The following CRACR2A variants were observed in gnomAD, a reference collection of about 807,000 sequenced individuals.
CRACR2A encodes EF-hand calcium-binding domain-containing protein 4B.
A neutral mutation model predicts 90.5 loss-of-function variants in CRACR2A; 79 were observed. The observed-to-expected ratio is 0.87, with a 90% CI of 0.73 to 1.05. The LOEUF is 1.05. CRACR2A is among the 50% of genes least tolerant of loss of function. The pLI is 0.00. For missense variants in CRACR2A, 823 were observed against 897.2 expected (o/e 0.92, Z 1.06); for synonymous variants, 338 against 356.7 (o/e 0.95, Z 0.59).
At chr12:3,621,449 C>G (rs7131759) in intron 17 of CRACR2A, among the ~76,000 whole-genome samples, 1 of 144,722 alleles carries the variant, frequency 6.9e-6, no homozygotes, top group Non-Finnish European at 1.5e-5. Context: ...GTCAGGAGTT[C>G]AAGACCAGCC....
chr12:3,687,652 G>A (rs1945584345), intron 4 of CRACR2A, among the ~76,000 whole-genome samples: 1 of 151,984 alleles, frequency 6.6e-6, no homozygotes, highest in Non-Finnish European at 1.5e-5. Context: ...GTGCTACAAT[G>A]GACACATACA....
Position 3,615,432 on chromosome 12 carries a change from T to G in CRACR2A, c.2119A>C (p.Lys707Gln), listed in dbSNP as rs548678583. 13 of 1,550,104 alleles carry G rather than the reference T, an allele frequency of 8.4e-6. No homozygotes were observed. In the South Asian group the frequency reaches 1.6e-4, roughly 18 times the overall value. ...TCTCTCACTGTGTCTTCTTGCTCCT[T>G]GAGGAACCTGGGAGAGGGGAAGAGA... ...ESLLHLARFL[K>Q]EQEDTVREDT... Residue 707 changes from lysine (K) to glutamine (Q), a missense_variant, in exon 20 of 20, where the codon AAG becomes CAG. Lys to Gln is a moderately conservative substitution (Grantham distance 53). Coordinates refer to ENST00000440314, the MANE Select transcript of CRACR2A (RefSeq NM_001144958.2).
intron 2 of CRACR2A, among the ~76,000 whole-genome samples, chr12:3,716,015 G>C (rs947392306): frequency 6.6e-6 from 1 of 151,466 alleles, no homozygotes; most frequent in Non-Finnish European, 1.5e-5. Context: ...GAAGGAGCGG[G>C]AGCATCATCC....
chr12:3,664,522 C>T (rs1945092961), intron 7 of CRACR2A, among the ~76,000 whole-genome samples: 1 of 152,106 alleles, frequency 6.6e-6, no homozygotes, highest in South Asian at 2.1e-4. Context: ...AAGCTTAATA[C>T]ATGTTGTTCT....
At chr12:3,724,143 G>A (rs7296743) in intron 2 of CRACR2A, among the ~76,000 whole-genome samples, 461 of 152,176 alleles carry the variant, frequency 3.0e-3, no homozygotes, top group African/African-American at 9.9e-3. Context: ...CTTGTCAGGC[G>A]GCGTTTAATT....
At chr12:3,672,621 C>T (rs1945265781) in intron 7 of CRACR2A, 2 of 371,758 alleles carry the variant, frequency 5.4e-6, no homozygotes, top group South Asian at 1.1e-4. Flanking sequence ...GAGCTCATGG[C>T]TGTAAATGTT....
At chr12:3,699,404 C>T (rs1945797809) in intron 3 of CRACR2A, among the ~76,000 whole-genome samples, 1 of 152,160 alleles carries the variant, frequency 6.6e-6, no homozygotes, top group South Asian at 2.1e-4. Flanking sequence ...ATGGTCCCTG[C>T]CCTTAATGAA....
At chr12:3,726,174 A>G (rs1565503421) in intron 2 of CRACR2A, 2 of 151,834 alleles carry the variant, frequency 1.3e-5, no homozygotes, top group Non-Finnish European at 2.9e-5. Context: ...ATTAATATAT[A>G]TAAATACATA....
chr12:3,648,779 C>G (rs1322036553), intron 10 of CRACR2A, among the ~76,000 whole-genome samples, 166 bp from the exon 11 acceptor site: 2 of 152,204 alleles, frequency 1.3e-5, no homozygotes, highest in African/African-American at 4.8e-5. Flanking sequence ...CTTTGGGCAT[C>G]ACACATGGCC....
At chr12:3,723,436 G>A (rs1946212809) in intron 2 of CRACR2A, among the ~76,000 whole-genome samples, 2 of 152,150 alleles carry the variant, frequency 1.3e-5, no homozygotes, top group Admixed American at 1.3e-4. Context: ...TAAATAAGAG[G>A]AGGTCAGTGG....
At chr12:3,703,245 C>T (rs889002379) in intron 3 of CRACR2A, among the ~76,000 whole-genome samples, 3 of 152,170 alleles carry the variant, frequency 2.0e-5, no homozygotes, top group Admixed American at 6.5e-5. Flanking sequence ...CCCGCCACCA[C>T]GCCCAGCTAA....
At chr12:3,659,483 C>T (rs977791582) in intron 8 of CRACR2A, 81 bp downstream of exon 8, 7 of 1,261,934 alleles carry the variant, frequency 5.5e-6, no homozygotes, top group African/African-American at 1.5e-5. Context: ...TGGATGGGGG[C>T]ACCAAAATCT....
chr12:3,618,278 T>C (rs1336170260), intron 18 of CRACR2A, among the ~76,000 whole-genome samples: 1 of 152,098 alleles, frequency 6.6e-6, no homozygotes, highest in African/African-American at 2.4e-5. Flanking sequence ...GTATATACCA[T>C]ATATTATATA....
At chr12:3,643,697 G>A (rs1565470697) in intron 12 of CRACR2A, among the ~76,000 whole-genome samples, 1 of 140,328 alleles carries the variant, frequency 7.1e-6, no homozygotes, top group South Asian at 2.2e-4. Context: ...GTGTGTGTGT[G>A]TATATATATA....
intron 11 of CRACR2A, among the ~76,000 whole-genome samples, chr12:3,646,881 G>T (rs1242516551): frequency 6.6e-6 from 1 of 152,082 alleles, no homozygotes; most frequent in South Asian, 2.1e-4. Context: ...TGTTTGCATC[G>T]CTGCTCTACT....
intron 11 of CRACR2A, among the ~76,000 whole-genome samples, chr12:3,647,043 A>G (rs1944698704): frequency 1.3e-5 from 2 of 152,198 alleles, no homozygotes; most frequent in African/African-American, 2.4e-5. Flanking sequence ...TCCAGCTTCA[A>G]AGTGCATGTT....
intron 19 of CRACR2A, among the ~76,000 whole-genome samples, chr12:3,616,028 A>T (rs1286455721): frequency 1.3e-5 from 2 of 152,148 alleles, no homozygotes; most frequent in African/African-American, 4.8e-5. Context: ...TGCGTTACGC[A>T]CCTCCTTTGA....
chr12:3,621,885 G>T (rs1369435390), intron 17 of CRACR2A, among the ~76,000 whole-genome samples: 1 of 151,742 alleles, frequency 6.6e-6, no homozygotes, highest in Non-Finnish European at 1.5e-5. Context: ...CCAAATATTT[G>T]GCAAAAATAA....
chr12:3,640,463 G>A, intron 13 of CRACR2A: 1 of 1,151,004 alleles, frequency 8.7e-7, no homozygotes. Context: ...AGGCTTTACA[G>A]AACTCAAAAG....
Sources: gnomAD v4.1 joint callset for allele counts (sites outside exome capture counted in the v4.1 genomes callset) on GRCh38, gnomAD v4.1.1 for gene constraint, MANE v1.5 for transcripts, NCBI Gene and HGNC (gene_info 2026-07-23, HGNC 2026-07-21) for gene names.